SNX24: variants seen among roughly 807,000 people sequenced by gnomAD.
SNX24 encodes the protein sorting nexin 24.
In SNX24, 22 loss-of-function variants were observed where a neutral mutation model predicts 28.7. That is an observed-to-expected ratio of 0.77 (90% CI 0.55 to 1.10). The LOEUF (loss-of-function observed/expected upper bound fraction) is 1.10, where lower values mean the gene tolerates loss of function less well. Among genes scored for constraint, SNX24 ranks in the 50% least tolerant of loss-of-function variants. The pLI is 0.00. For missense variants in SNX24, 221 were observed against 201.1 expected (o/e 1.10, Z -0.60); for synonymous variants, 69 against 71.5 (o/e 0.96, Z 0.18).
intron 3 of SNX24, among the ~76,000 whole-genome samples, chr5:122,985,896 G>A (rs1054685642): frequency 3.9e-5 from 6 of 152,170 alleles, no homozygotes; most frequent in Admixed American, 2.6e-4. Flanking sequence ...ATGATGAGGC[G>A]GACTCAGCCC....
Position 122,916,941 on chromosome 5 carries a change from C to CA in SNX24, c.61-19792dup, listed in dbSNP as rs1758197381. Among the ~76,000 whole-genome samples the CA allele has an allele frequency of 2.0e-5, 3 of 152,104 alleles. No homozygotes were observed. In the South Asian group the frequency reaches 6.2e-4, roughly 32 times the overall value. On this transcript the variant is annotated intron_variant, in intron 1 of 6. Transcript: ENST00000261369. Reference sequence around the variant, plus strand: ...TCTGTTATTGAGATCTAGAAAACCTCACTACATTCCTTCTACTCATTTGTG... The same window carrying CA: ...TCTGTTATTGAGATCTAGAAAACCTCAACTACATTCCTTCTACTCATTTGTG...
intron 1 of SNX24, among the ~76,000 whole-genome samples, chr5:122,927,256 A>G (rs897282874): frequency 6.6e-6 from 1 of 152,258 alleles, no homozygotes; most frequent in African/African-American, 2.4e-5. Flanking sequence ...AATGGAAGAC[A>G]TAAGATTCAA....
At chr5:122,954,133 T>A (rs1760092729) in intron 3 of SNX24, among the ~76,000 whole-genome samples, 1 of 152,068 alleles carries the variant, frequency 6.6e-6, no homozygotes, top group Admixed American at 6.6e-5. Flanking sequence ...GTTACTAAAA[T>A]TGACCATATG....
chr5:122,951,170 G>C (rs1301930384), intron 3 of SNX24, among the ~76,000 whole-genome samples: 6 of 151,490 alleles, frequency 4.0e-5, no homozygotes, highest in African/African-American at 1.5e-4. Flanking sequence ...AGGAGGCTGA[G>C]GCAGGAGAAT....
At chr5:122,933,674 C>T (rs567222465) in intron 1 of SNX24, among the ~76,000 whole-genome samples, 6 of 152,184 alleles carry the variant, frequency 3.9e-5, no homozygotes, top group Non-Finnish European at 8.8e-5. Flanking sequence ...CTTCCTGTTA[C>T]TCTATCTTGG....
chr5:122,995,159 A>G (rs984786315), intron 3 of SNX24, among the ~76,000 whole-genome samples: 1 of 152,214 alleles, frequency 6.6e-6, no homozygotes, highest in Non-Finnish European at 1.5e-5. Flanking sequence ...TATTCTTTTC[A>G]TACTATGTCA....
At chr5:122,878,941 A>G (rs532492231) in intron 1 of SNX24, among the ~76,000 whole-genome samples, 87 of 151,782 alleles carry the variant, frequency 5.7e-4, no homozygotes, top group African/African-American at 2.0e-3. Context: ...CAGACAGAGC[A>G]AGACTCTGTC....
Position 122,985,539 on chromosome 5 carries a change from C to T in SNX24, c.250-14373C>T, listed in dbSNP as rs955833940. Among the ~76,000 whole-genome samples, 20 of 151,012 alleles carry T rather than the reference C, an allele frequency of 1.3e-4. 1 individual carries two copies. Among genetic ancestry groups the T allele is most frequent in the African/African-American group, 4.6e-4 (19 of 41,332 alleles). On this transcript the variant is annotated intron_variant, in intron 3 of 6. Coordinates refer to ENST00000261369, the MANE Select transcript of SNX24 (RefSeq NM_014035.4). ...AAAGGTAGTTGAGAGGATTAAGCGA[C>T]CCATTATATGTGAGGCCACTTAGCA... is the stretch of plus-strand genomic sequence containing the variant.
intron 5 of SNX24, among the ~76,000 whole-genome samples, chr5:123,026,846 C>T (rs1581872720): frequency 6.6e-6 from 1 of 152,208 alleles, no homozygotes; most frequent in South Asian, 2.1e-4. Flanking sequence ...ACCTCCCCTT[C>T]TGTAGGGCCC....
Position 122,977,290 on chromosome 5 carries a change from T to A in SNX24, c.250-22622T>A, listed in dbSNP as rs1198731717. Among the ~76,000 whole-genome samples the A allele has an allele frequency of 3.9e-5, 6 of 152,258 alleles. No individual in the cohort carries two copies. In the East Asian group the frequency reaches 9.6e-4, roughly 24 times the overall value. ...GGGGACCCATAATACCTGCTAATTT[T>A]AAAAATCACCCAATCTATCAACCCT... On this transcript the variant is annotated intron_variant, in intron 3 of 6. Coordinates refer to ENST00000261369, the MANE Select transcript of SNX24 (RefSeq NM_014035.4).
intron 2 of SNX24, 150 bp downstream of exon 2, chr5:122,936,967 T>G (rs1759206648): frequency 2.1e-6 from 1 of 467,184 alleles, no homozygotes; most frequent in East Asian, 3.3e-5. Flanking sequence ...CTTTTTGGAA[T>G]AAGTTATTCA....
intron 3 of SNX24, among the ~76,000 whole-genome samples, chr5:122,956,440 C>T (rs972196796): frequency 6.6e-6 from 1 of 151,360 alleles, no homozygotes; most frequent in Non-Finnish European, 1.5e-5. Context: ...AGCTGTACAT[C>T]AGTGGGCACC....
intron 1 of SNX24, among the ~76,000 whole-genome samples, chr5:122,852,011 C>A (rs1754942017): frequency 6.6e-6 from 1 of 151,654 alleles, no homozygotes; most frequent in Admixed American, 6.6e-5. Context: ...ACAATGTAAA[C>A]CCTGCCTTGG....
chr5:122,924,424 G>A (rs34698653), intron 1 of SNX24, among the ~76,000 whole-genome samples: 7,858 of 152,214 alleles, frequency 0.052, 267 homozygotes, highest in African/African-American at 0.089. Flanking sequence ...TGCAGACATC[G>A]TAAAGCTGCC....
At chr5:122,906,529 T>C (rs1001760282) in intron 1 of SNX24, among the ~76,000 whole-genome samples, 5 of 152,140 alleles carry the variant, frequency 3.3e-5, no homozygotes, top group African/African-American at 1.2e-4. Flanking sequence ...TTGTTTTGAG[T>C]GGAGTTTTGC....
intron 1 of SNX24, 58 bp from the exon 2 acceptor site, chr5:122,936,676 C>T (rs1383060573): frequency 1.2e-5 from 12 of 1,000,500 alleles, no homozygotes; most frequent in East Asian, 9.9e-5. Context: ...AAACTTACCA[C>T]ATCAGACAAT....
rs560224884 is a variant in SNX24 at position 122,959,820 on chromosome 5, G to A, written c.249+13661G>A. ...TTTAGTACATGGACACACACGAGGA[G>A]TTAGGAGCAGAGGTTTTGATAGGCA... On this transcript the variant is annotated intron_variant, in intron 3 of 6. Coordinates refer to ENST00000261369, the MANE Select transcript of SNX24 (RefSeq NM_014035.4). Among the ~76,000 whole-genome samples the A allele has an allele frequency of 2.0e-3, 312 of 152,210 alleles. 1 individual carries two copies. In the Middle Eastern group the frequency reaches 0.027, roughly 13 times the overall value.
intron 2 of SNX24, among the ~76,000 whole-genome samples, chr5:122,941,094 CA>C (rs1203163364): frequency 7.2e-5 from 11 of 152,168 alleles, no homozygotes; most frequent in Admixed American, 6.5e-5. Flanking sequence ...AGATAAGTAC[CA>C]GATGCTATGA....
At chr5:123,002,149 A>G in intron 6 of SNX24, 145 bp downstream of exon 6, 2 of 674,112 alleles carry the variant, frequency 3.0e-6, no homozygotes, top group South Asian at 3.4e-5. Flanking sequence ...GGTATAAGCG[A>G]CACTTAGAAT....
Sources: allele counts gnomAD v4.1 joint callset (sites outside exome capture counted in the v4.1 genomes callset), GRCh38; gene constraint gnomAD v4.1.1; transcripts MANE v1.5; gene names NCBI Gene and HGNC (gene_info 2026-07-23, HGNC 2026-07-21).